The following RASSF3 variants were observed in gnomAD, a reference collection of about 807,000 sequenced individuals.
The protein encoded by RASSF3 is ras association domain-containing protein 3.
Under a neutral mutation model 19.9 loss-of-function variants are expected in RASSF3, and 19 were observed. The ratio of observed to expected loss-of-function variants is 0.96; its 90% CI spans 0.67 to 1.40. The LOEUF is 1.40. Ranked by LOEUF, RASSF3 falls within the 40% of genes most tolerant of loss-of-function variation. The pLI, the probability that RASSF3 is intolerant of heterozygous loss-of-function variation, is 0.00. For missense variants in RASSF3, 306 were observed against 289.8 expected, an observed-to-expected ratio of 1.06 and a Z score of -0.41; for synonymous variants, 110 against 104.2, an observed-to-expected ratio of 1.06 and a Z score of -0.34.
At chr12:64,589,944 G>A (rs1869888481) in intron 2 of RASSF3, among the ~76,000 whole-genome samples, 1 of 150,094 alleles carries the variant, frequency 6.7e-6, no homozygotes, top group South Asian at 2.1e-4. Flanking sequence ...GGAGGTTGCA[G>A]TGAGCCAAGA....
intron 1 of RASSF3, among the ~76,000 whole-genome samples, chr12:64,613,436 A>G (rs1164444626): frequency 6.6e-6 from 1 of 152,108 alleles, no homozygotes; most frequent in Admixed American, 6.6e-5. Flanking sequence ...GGAGAAAACA[A>G]GATGTTTGTG....
chr12:64,530,362 T>C (rs1386980482), upstream of RASSF3, among the ~76,000 whole-genome samples: 1 of 151,984 alleles, frequency 6.6e-6, no homozygotes, highest in African/African-American at 2.4e-5. Context: ...AGGCTGGTCT[T>C]GAACTCCTGG....
upstream of RASSF3, among the ~76,000 whole-genome samples, chr12:64,532,573 A>G (rs1868736053): frequency 2.0e-5 from 3 of 152,034 alleles, no homozygotes; most frequent in South Asian, 6.2e-4. Flanking sequence ...CTGTAATTCC[A>G]GCACTATGGG....
intron 2 of RASSF3, among the ~76,000 whole-genome samples, chr12:64,686,828 A>G (rs1212533761): frequency 6.6e-6 from 1 of 152,238 alleles, no homozygotes; most frequent in African/African-American, 2.4e-5. Context: ...CCCTGTCTCA[A>G]AAAAGAACAA....
intron 2 of RASSF3, among the ~76,000 whole-genome samples, chr12:64,579,667 T>C (rs910550379): frequency 3.9e-5 from 6 of 152,116 alleles, no homozygotes; most frequent in African/African-American, 1.4e-4. Flanking sequence ...AGCCAAATTC[T>C]TTAATAAACA....
intron 1 of RASSF3, among the ~76,000 whole-genome samples, chr12:64,520,585 T>TATATATATATATAC: frequency 7.1e-6 from 1 of 141,828 alleles, no homozygotes; most frequent in Non-Finnish European, 1.5e-5. Context: ...TATATATATA[T>TATATATATATATAC]ATATATATAT....
chr12:64,629,860 A>T lies in RASSF3; in HGVS notation c.111+19117A>T, dbSNP rs577994786. 3.4e-5 allele frequency: 5 copies of T among 148,750 alleles called. No individual in the cohort carries two copies. In the East Asian group the frequency reaches 8.1e-4, roughly 24 times the overall value. 9.2% of individuals were successfully genotyped at this position (148,750 alleles called of 1,614,324 possible). A position where few individuals can be genotyped will look rare whatever the true frequency, so the allele number is the denominator to read the frequency against. On this transcript the variant is annotated intron_variant, in intron 1 of 4. Coordinates refer to ENST00000542104, the MANE Select transcript of RASSF3 (RefSeq NM_178169.4). ...GCGCCTGTAATCCCAGCTACTCGGGAGGCTGAGGCAGGAGAATCACTTGAA... is the reference window on the plus strand; with the variant it reads ...GCGCCTGTAATCCCAGCTACTCGGGTGGCTGAGGCAGGAGAATCACTTGAA...
intron 2 of RASSF3, among the ~76,000 whole-genome samples, chr12:64,567,062 C>T (rs1411593523): frequency 2.0e-5 from 3 of 152,152 alleles, no homozygotes; most frequent in African/African-American, 7.2e-5. Context: ...AGTAAAGGAG[C>T]AGCTGGGGTT....
intron 1 of RASSF3, among the ~76,000 whole-genome samples, chr12:64,636,291 TTTTA>T (rs1871328862): frequency 6.6e-6 from 1 of 151,998 alleles, no homozygotes; most frequent in African/African-American, 2.4e-5. Context: ...ATTTTTATAT[TTTTA>T]TTAGAGACAG....
At chr12:64,527,564 C>CGTA (rs1565832879) in intron 1 of RASSF3, among the ~76,000 whole-genome samples, 2 of 152,130 alleles carry the variant, frequency 1.3e-5, no homozygotes, top group African/African-American at 4.8e-5. Flanking sequence ...AGTACCTTAC[C>CGTA]CCCTTTTTTA....
At chr12:64,569,819 G>T (rs1208923825) in intron 2 of RASSF3, among the ~76,000 whole-genome samples, 1 of 152,156 alleles carries the variant, frequency 6.6e-6, no homozygotes, top group Admixed American at 6.5e-5. Flanking sequence ...TACAAAATTA[G>T]CCAGGCATGG....
chr12:64,567,148 C>T (rs1869445510), intron 2 of RASSF3, among the ~76,000 whole-genome samples: 1 of 152,176 alleles, frequency 6.6e-6, no homozygotes, highest in Non-Finnish European at 1.5e-5. Context: ...GGCTGGGAGA[C>T]AAAGGCGTGG....
intron 1 of RASSF3, among the ~76,000 whole-genome samples, chr12:64,673,987 G>A (rs1872791255): frequency 6.6e-6 from 1 of 152,058 alleles, no homozygotes; most frequent in Non-Finnish European, 1.5e-5. Flanking sequence ...TGGAGGGCTG[G>A]TAACCAGGGG....
At chr12:64,636,344 C>G (rs1457021287) in intron 1 of RASSF3, among the ~76,000 whole-genome samples, 1 of 151,860 alleles carries the variant, frequency 6.6e-6, no homozygotes, top group South Asian at 2.1e-4. Flanking sequence ...GGATTCCCGA[C>G]CTCAGGCTAT....
intron 1 of RASSF3, among the ~76,000 whole-genome samples, chr12:64,524,218 TTTTATTTATTTATTTATTTA>T (rs59842662): frequency 0.024 from 3,305 of 137,854 alleles, 124 homozygotes; most frequent in African/African-American, 0.083. Flanking sequence ...TGCCCGGCAA[TTTTATTTATTTATTTATTTA>T]TTTATTTATT....
At chr12:64,622,492 G>C in intron 1 of RASSF3, 1 of 530,994 alleles carries the variant, frequency 1.9e-6, no homozygotes, top group Non-Finnish European at 3.9e-6. Context: ...GAAAAATTGC[G>C]ATGAGAAAGG....
At chr12:64,605,698 T>C (rs1870178840), upstream of RASSF3, among the ~76,000 whole-genome samples, 1 of 152,042 alleles carries the variant, frequency 6.6e-6, no homozygotes, top group African/African-American at 2.4e-5. Context: ...AAGACCAGCC[T>C]GACCAAGATG....
At chr12:64,679,876 C>T (rs899781215) in intron 1 of RASSF3, among the ~76,000 whole-genome samples, 21 of 152,212 alleles carry the variant, frequency 1.4e-4, no homozygotes, top group Non-Finnish European at 2.8e-4. Flanking sequence ...GCATGATGCC[C>T]TCACTGGCTG....
chr12:64,580,575 AACACACAC>A (rs201737911), intron 2 of RASSF3, among the ~76,000 whole-genome samples: 19 of 141,406 alleles, frequency 1.3e-4, no homozygotes, highest in African/African-American at 3.4e-4. Flanking sequence ...TTTTTAGGAA[AACACACAC>A]ACACACACAC....
Sources: gnomAD v4.1 joint callset for allele counts (sites outside exome capture counted in the v4.1 genomes callset) on GRCh38, gnomAD v4.1.1 for gene constraint, MANE v1.5 for transcripts, NCBI Gene and HGNC (gene_info 2026-07-23, HGNC 2026-07-21) for gene names.